Variants in DACH1 observed in about 807,000 individuals in gnomAD.
The protein encoded by DACH1 is dachshund homolog 1.
DACH1 carries 12 observed loss-of-function variants against 54.2 expected under a neutral mutation model. The ratio of observed to expected loss-of-function variants is 0.22; its 90% CI spans 0.14 to 0.36. The LOEUF is 0.36. DACH1 is among the 10% of genes least tolerant of loss of function. DACH1 has a pLI of 1.00. For missense variants in DACH1, 805 were observed against 929.8 expected (o/e 0.87, Z 1.75); for synonymous variants, 386 against 366.2 (o/e 1.05, Z -0.62).
intron 1 of DACH1, among the ~76,000 whole-genome samples, chr13:71,706,925 A>C: frequency 6.6e-6 from 1 of 152,348 alleles, no homozygotes; most frequent in South Asian, 2.1e-4. Context: ...CCGTATTGAT[A>C]AACTATGATT....
intron 1 of DACH1, among the ~76,000 whole-genome samples, chr13:71,781,790 A>G (rs1189424371): frequency 6.6e-6 from 1 of 152,194 alleles, no homozygotes; most frequent in African/African-American, 2.4e-5. Flanking sequence ...CTCTGGACTG[A>G]ACAAAATGAT....
chr13:71,804,357 A>G (rs547918596), intron 1 of DACH1, among the ~76,000 whole-genome samples: 12 of 152,108 alleles, frequency 7.9e-5, no homozygotes, highest in Non-Finnish European at 1.6e-4. Flanking sequence ...GACAGCAGCT[A>G]TGGGAGAATG....
chr13:71,720,297 C>A (rs1204542926), intron 1 of DACH1, among the ~76,000 whole-genome samples: 1 of 152,180 alleles, frequency 6.6e-6, no homozygotes, highest in Non-Finnish European at 1.5e-5. Flanking sequence ...ATTTGGACTT[C>A]ACTGACATAT....
intron 1 of DACH1, among the ~76,000 whole-genome samples, chr13:71,747,068 A>G (rs1884629937): frequency 6.6e-6 from 1 of 152,030 alleles, no homozygotes; most frequent in South Asian, 2.1e-4. Flanking sequence ...TTTTGCATTT[A>G]TGTATTTAAA....
At chr13:71,798,423 G>T (rs1016329716) in intron 1 of DACH1, among the ~76,000 whole-genome samples, 4 of 146,066 alleles carry the variant, frequency 2.7e-5, no homozygotes, top group Non-Finnish European at 6.0e-5. Context: ...AGTACTTAAG[G>T]TGCATTCATA....
chr13:71,547,364 G>T (rs536158485), intron 6 of DACH1, among the ~76,000 whole-genome samples: 1 of 152,080 alleles, frequency 6.6e-6, no homozygotes, highest in Non-Finnish European at 1.5e-5. Flanking sequence ...AATTGGGATG[G>T]CATATGGAGG....
intron 3 of DACH1, among the ~76,000 whole-genome samples, chr13:71,592,853 A>G (rs369782136): frequency 1.3e-3 from 200 of 152,308 alleles, no homozygotes; most frequent in African/African-American, 4.5e-3. Context: ...AATTGCCTAG[A>G]CTTAACCCAG....
intron 3 of DACH1, among the ~76,000 whole-genome samples, chr13:71,611,212 G>A (rs1486383690): frequency 6.6e-6 from 1 of 152,128 alleles, no homozygotes; most frequent in East Asian, 1.9e-4. Flanking sequence ...TTGAAACTAA[G>A]ATAAAGAAGG....
At chr13:71,748,896 T>TCTCTCTCTCTCTCTCTCTCTC (rs1566476848) in intron 1 of DACH1, among the ~76,000 whole-genome samples, 1 of 64,946 alleles carries the variant, frequency 1.5e-5, no homozygotes, top group Admixed American at 1.7e-4. Flanking sequence ...CTTTCTTTCT[T>TCTCTCTCTCTCTCTCTCTCTC]TCTCTTTCTT....
rs140851136 is a variant in DACH1 at position 71,780,009 on chromosome 13, T to G, written c.848+85913A>C. On this transcript the variant is annotated intron_variant, in intron 1 of 10. Transcript: ENST00000613252. Reference sequence around the variant, plus strand: ...CAAAAACATCCTATGAAGGAAGGAATGAATGAATGAATGAATGAATGAAAA... The same window carrying G: ...CAAAAACATCCTATGAAGGAAGGAAGGAATGAATGAATGAATGAATGAAAA... Among the ~76,000 whole-genome samples the G allele has an allele frequency of 2.4e-3, 365 of 149,140 alleles. 3 individuals are homozygous for G. The highest frequency in any genetic ancestry group is 7.9e-3 in the African/African-American group (308 of 39,194).
intron 2 of DACH1, among the ~76,000 whole-genome samples, chr13:71,677,057 A>G (rs565250057): frequency 1.3e-5 from 2 of 152,350 alleles, no homozygotes; most frequent in South Asian, 4.2e-4. Flanking sequence ...TAATTTGCAT[A>G]CTGACTTAAA....
chr13:71,543,416 C>T (rs771961961), intron 6 of DACH1, among the ~76,000 whole-genome samples: 2 of 151,998 alleles, frequency 1.3e-5, no homozygotes, highest in Non-Finnish European at 2.9e-5. Context: ...ATAATAAACT[C>T]TACAAGAACA....
chr13:71,769,625 C>A (rs933576213), intron 1 of DACH1, among the ~76,000 whole-genome samples: 1 of 151,618 alleles, frequency 6.6e-6, no homozygotes, highest in Admixed American at 6.6e-5. Flanking sequence ...ACTTTTAAAT[C>A]ATCAAGTTAT....
Position 71,781,705 on chromosome 13 carries a change from C to T in DACH1, c.848+84217G>A, listed in dbSNP as rs1023467760. ...GGTCCAGATCTTTAGGATTCTTAGACGACCTAACAATTATGATTTTTCTTT... is the reference window on the plus strand; with the variant it reads ...GGTCCAGATCTTTAGGATTCTTAGATGACCTAACAATTATGATTTTTCTTT... On this transcript the variant is annotated intron_variant, in intron 1 of 10. Transcript: ENST00000613252. Among the ~76,000 whole-genome samples the T allele has an allele frequency of 5.9e-5, 9 of 152,006 alleles. No individual in the cohort carries two copies. The East Asian group carries it at 9.7e-4, about 16-fold the overall frequency.
In DACH1 at chr13:71,475,768, C is replaced by T. The variant is rs1244552320; in HGVS notation, c.1952G>A (p.Arg651His). ...QEALEFETKRREQAEQTLKQA... is the reference protein window; with the variant it reads ...QEALEFETKRHEQAEQTLKQA... ...TTTTAGCGTCTGTTCTGCTTGTTCA[C>T]GCCGTTTCGTCTCAAACTCAAGTGC... Residue 651 changes from arginine to histidine, a missense_variant, in exon 9 of 11, where the codon CGT (arginine) becomes CAT (histidine). Physicochemically the swap from Arg to His is conservative, Grantham distance 29. Transcript: ENST00000613252. 1.2e-6 allele frequency: 2 copies of T among 1,613,730 alleles called. No homozygotes were observed. Among genetic ancestry groups the T allele is most frequent in the Non-Finnish European group, 8.5e-7 (1 of 1,179,906 alleles).
At chr13:71,654,453 A>AAAG (rs1878934382) in intron 2 of DACH1, among the ~76,000 whole-genome samples, 4 of 78,738 alleles carry the variant, frequency 5.1e-5, no homozygotes, top group Admixed American at 1.4e-4. Flanking sequence ...ATAAAATAAA[A>AAAG]TAAAGTAAAA....
At chr13:71,477,080 T>TTTTA (rs1555285119) in intron 8 of DACH1, among the ~76,000 whole-genome samples, 4 of 46,254 alleles carry the variant, frequency 8.6e-5, no homozygotes, top group South Asian at 1.0e-3. Context: ...GTTTTTATTA[T>TTTTA]TATATATATA....
At chr13:71,779,228 TATATATACAC>T (rs1411909082) in intron 1 of DACH1, among the ~76,000 whole-genome samples, 3 of 94,840 alleles carry the variant, frequency 3.2e-5, no homozygotes, top group Admixed American at 1.1e-4. Context: ...CGTATATACG[TATATATACAC>T]ATATATACGT....
intron 6 of DACH1, among the ~76,000 whole-genome samples, chr13:71,504,062 C>G (rs553793291): frequency 6.6e-6 from 1 of 152,224 alleles, no homozygotes; most frequent in East Asian, 1.9e-4. Flanking sequence ...TGGACCTCTA[C>G]TATATATAAG....
Sources: allele counts gnomAD v4.1 joint callset (sites outside exome capture counted in the v4.1 genomes callset), GRCh38; gene constraint gnomAD v4.1.1; transcripts MANE v1.5; gene names NCBI Gene and HGNC (gene_info 2026-07-23, HGNC 2026-07-21).